GPC6: variants seen among roughly 807,000 people sequenced by gnomAD.
GPC6 encodes glypican 6.
A neutral mutation model predicts 55.2 loss-of-function variants in GPC6; 14 were observed. The observed-to-expected ratio is 0.25, with a 90% CI of 0.17 to 0.40. The LOEUF is 0.40. Ranked by LOEUF, GPC6 falls within the 10% of genes least tolerant of loss-of-function variation. GPC6 has a pLI of 1.00. For synonymous variants in GPC6, 278 were observed against 259.6 expected, an observed-to-expected ratio of 1.07 and a Z score of -0.68; for missense variants, 641 against 708.5, an observed-to-expected ratio of 0.90 and a Z score of 1.08.
At chr13:93,305,174 A>G (rs549931393) in intron 1 of GPC6, among the ~76,000 whole-genome samples, 1 of 152,312 alleles carries the variant, frequency 6.6e-6, no homozygotes, top group African/African-American at 2.4e-5. Context: ...GTATAAAACA[A>G]GAGTCCTCTC....
chr13:93,218,066 C>T, the GPC6 span, among the ~76,000 whole-genome samples: 4 of 150,396 alleles, frequency 2.7e-5, no homozygotes, highest in African/African-American at 9.8e-5. Context: ...AGACACCTCC[C>T]TGGAAACAGA....
chr13:93,443,165 A>T (rs987605312), intron 1 of GPC6, among the ~76,000 whole-genome samples: 1 of 152,202 alleles, frequency 6.6e-6, no homozygotes, highest in Admixed American at 6.5e-5. Context: ...ACTATTTATA[A>T]GTGCAAACAA....
chr13:93,249,900 T>C (rs909223529), intron 1 of GPC6, among the ~76,000 whole-genome samples: 3 of 152,254 alleles, frequency 2.0e-5, no homozygotes, highest in Non-Finnish European at 4.4e-5. Flanking sequence ...TCTCCTTCTC[T>C]TCTTGCTCAT....
At chr13:93,564,491 G>T (rs1469388350) in intron 2 of GPC6, among the ~76,000 whole-genome samples, 3 of 152,046 alleles carry the variant, frequency 2.0e-5, no homozygotes, top group East Asian at 3.9e-4. Flanking sequence ...GAACAATGCA[G>T]CAATGCTAAA....
intron 1 of GPC6, among the ~76,000 whole-genome samples, chr13:93,493,647 C>G (rs1278932696): frequency 1.4e-5 from 2 of 139,200 alleles, no homozygotes; most frequent in African/African-American, 2.7e-5. Context: ...CCTGCTTTCT[C>G]TTGTGGGCAT....
intron 3 of GPC6, among the ~76,000 whole-genome samples, chr13:93,999,253 T>TCCC (rs1594654715): frequency 6.6e-6 from 1 of 152,266 alleles, no homozygotes; most frequent in South Asian, 2.1e-4. Flanking sequence ...TTTGTTAAAC[T>TCCC]CCCATTTATG....
intron 2 of GPC6, among the ~76,000 whole-genome samples, chr13:93,691,113 A>G (rs1411952972): frequency 1.3e-5 from 2 of 152,172 alleles, no homozygotes; most frequent in Non-Finnish European, 2.9e-5. Context: ...AAGAGAACAC[A>G]GTAAGATTTT....
rs531814357 is a variant in GPC6, at chr13:93,820,110, T to C, written c.320-10044T>C. 9.8e-5 allele frequency among the ~76,000 whole-genome samples: 15 copies of C among 152,328 alleles called. No homozygotes were observed. The South Asian group carries it at 3.1e-3, about 32-fold the overall frequency. On this transcript the variant is annotated intron_variant, in intron 2 of 8. Transcript: ENST00000377047. ...GTAGTGGAATTAAATTGAAGTACTT[T>C]GGTGCAAGGTATTGATTATTTTTAA...
intron 4 of GPC6, among the ~76,000 whole-genome samples, chr13:94,258,187 A>G (rs1891557731): frequency 6.6e-6 from 1 of 152,216 alleles, no homozygotes; most frequent in Non-Finnish European, 1.5e-5. Flanking sequence ...TTTCTAGAAC[A>G]TGTCTTTACA....
intron 2 of GPC6, among the ~76,000 whole-genome samples, chr13:93,597,582 T>A (rs1566442731): frequency 1.3e-5 from 2 of 152,178 alleles, no homozygotes; most frequent in African/African-American, 4.8e-5. Context: ...CTTCCACCTC[T>A]GCCACCTGTA....
chr13:93,317,917 A>G (rs1262297932), intron 1 of GPC6, among the ~76,000 whole-genome samples: 3 of 152,188 alleles, frequency 2.0e-5, no homozygotes, highest in African/African-American at 7.2e-5. Flanking sequence ...AGGGGAGGAT[A>G]CAAGAGGAAT....
At chr13:94,325,961 A>G (rs1242821181) in intron 6 of GPC6, among the ~76,000 whole-genome samples, 6 of 152,168 alleles carry the variant, frequency 3.9e-5, no homozygotes, top group Non-Finnish European at 8.8e-5. Flanking sequence ...GAAGCCAGTA[A>G]GATAGCATCC....
intron 3 of GPC6, among the ~76,000 whole-genome samples, chr13:93,967,388 C>T (rs1331955494): frequency 6.6e-6 from 1 of 152,130 alleles, no homozygotes; most frequent in African/African-American, 2.4e-5. Flanking sequence ...ACAGACACAA[C>T]CTCTAAAAAC....
chr13:93,950,763 G>A (rs1233645734), intron 3 of GPC6, among the ~76,000 whole-genome samples: 1 of 151,438 alleles, frequency 6.6e-6, no homozygotes, highest in African/African-American at 2.4e-5. Flanking sequence ...AGTTGGTTGT[G>A]CATTCACAAA....
intron 1 of GPC6, among the ~76,000 whole-genome samples, chr13:93,515,911 C>T (rs929319702): frequency 9.2e-5 from 14 of 152,188 alleles, no homozygotes; most frequent in African/African-American, 3.4e-4. Context: ...GGCACACACG[C>T]AGAAAGCCAA....
At chr13:93,629,408 C>G (rs1451544800) in intron 2 of GPC6, among the ~76,000 whole-genome samples, 1 of 151,992 alleles carries the variant, frequency 6.6e-6, no homozygotes, top group Non-Finnish European at 1.5e-5. Context: ...CGGCAATAAA[C>G]TAGTGCATCT....
chr13:94,168,828 A>G (rs1888460673), intron 4 of GPC6, among the ~76,000 whole-genome samples: 1 of 151,466 alleles, frequency 6.6e-6, no homozygotes, highest in East Asian at 1.9e-4. Flanking sequence ...TCTGATTTTA[A>G]AAGATTAAAG....
At chr13:93,756,163 C>T (rs1014450416) in intron 2 of GPC6, among the ~76,000 whole-genome samples, 1 of 152,184 alleles carries the variant, frequency 6.6e-6, no homozygotes, top group East Asian at 1.9e-4. Flanking sequence ...GTAGGCTCCA[C>T]CATGGTGAGA....
chr13:93,416,740 T>A (rs890881892), intron 1 of GPC6, among the ~76,000 whole-genome samples: 1 of 152,064 alleles, frequency 6.6e-6, no homozygotes, highest in African/African-American at 2.4e-5. Context: ...CCTTCTACTC[T>A]CTGTGTCCAC....
Sources: gnomAD v4.1 joint callset for allele counts (sites outside exome capture counted in the v4.1 genomes callset) on GRCh38, gnomAD v4.1.1 for gene constraint, MANE v1.5 for transcripts, NCBI Gene and HGNC (gene_info 2026-07-23, HGNC 2026-07-21) for gene names.